ARSB: variants seen among roughly 807,000 people sequenced by gnomAD.
ARSB encodes the protein arylsulfatase B.
ARSB carries 41 observed loss-of-function variants against 50.9 expected under a neutral mutation model. The ratio of observed to expected loss-of-function variants is 0.81; its 90% CI spans 0.63 to 1.04. The LOEUF is 1.04. Ranked by LOEUF, ARSB falls within the 50% of genes least tolerant of loss-of-function variation. The pLI, the probability that ARSB is intolerant of heterozygous loss-of-function variation, is 0.00. For missense variants in ARSB, 672 were observed against 693.3 expected, an observed-to-expected ratio of 0.97 and a Z score of 0.35; for synonymous variants, 269 against 284.8, an observed-to-expected ratio of 0.94 and a Z score of 0.56.
At chr5:78,951,510 C>CA (rs1024208347) in intron 4 of ARSB, among the ~76,000 whole-genome samples, 3 of 150,662 alleles carry the variant, frequency 2.0e-5, no homozygotes, top group Non-Finnish European at 4.4e-5. Context: ...AGAAAAAGGA[C>CA]AAAAAAAATG....
intron 4 of ARSB, among the ~76,000 whole-genome samples, chr5:78,951,374 A>G (rs940669879): frequency 6.6e-6 from 1 of 152,112 alleles, no homozygotes. Flanking sequence ...TACTGATTGA[A>G]ACAGAGACAG....
intron 4 of ARSB, among the ~76,000 whole-genome samples, chr5:78,916,048 T>C (rs920340875): frequency 6.6e-5 from 10 of 152,224 alleles, no homozygotes; most frequent in African/African-American, 2.4e-4. Context: ...TTAAGATCAA[T>C]GATTCATTGT....
chr5:78,813,208 G>C (rs891564607), intron 6 of ARSB, among the ~76,000 whole-genome samples: 2 of 151,962 alleles, frequency 1.3e-5, no homozygotes, highest in Non-Finnish European at 2.9e-5. Context: ...GGGATTACAG[G>C]CATGTGCCAC....
chr5:78,810,401 G>A (rs757516979), intron 6 of ARSB, among the ~76,000 whole-genome samples: 2 of 152,228 alleles, frequency 1.3e-5, no homozygotes, highest in East Asian at 3.8e-4. Flanking sequence ...AGAAAATGCA[G>A]TTGGTGCCTG....
intron 4 of ARSB, among the ~76,000 whole-genome samples, chr5:78,899,798 G>A (rs1038671933): frequency 3.3e-5 from 5 of 151,986 alleles, no homozygotes; most frequent in Non-Finnish European, 5.9e-5. Flanking sequence ...GCTAATAGTC[G>A]CCATCTCGTT....
rs1329081955 is a variant in ARSB at position 78,779,538 on chromosome 5, T to A, written c.*859A>T. 1 of 152,214 alleles carries A rather than the reference T, an allele frequency of 6.6e-6. No individual in the cohort carries two copies. The allele number at this position is 152,214 out of a possible 1,614,324, so 9.4% of individuals were successfully genotyped here. On this transcript the variant is annotated 3_prime_UTR_variant, in exon 8 of 8. Transcript: ENST00000264914. ...GCCCTCTTAGTGTCTACCATGAACA[T>A]CCTCACAGAGCAACTCCACCGCCTA...
At chr5:78,954,488 A>G (rs749310249) in intron 4 of ARSB, among the ~76,000 whole-genome samples, 3 of 152,216 alleles carry the variant, frequency 2.0e-5, no homozygotes, top group Admixed American at 6.5e-5. Context: ...AATAACATAT[A>G]TAACTTTTAC....
chr5:78,875,699 G>A (rs563398351), intron 5 of ARSB, among the ~76,000 whole-genome samples: 153 of 150,612 alleles, frequency 1.0e-3, no homozygotes, highest in African/African-American at 3.5e-3. Flanking sequence ...ACAGAGTCTC[G>A]CTCTTTTACC....
intron 4 of ARSB, among the ~76,000 whole-genome samples, chr5:78,954,988 C>T (rs1043784823): frequency 2.0e-5 from 3 of 152,084 alleles, no homozygotes; most frequent in Non-Finnish European, 4.4e-5. Context: ...TGGGAACAAG[C>T]CACTCTAGGG....
intron 4 of ARSB, among the ~76,000 whole-genome samples, chr5:78,915,809 T>C (rs1749523927): frequency 6.6e-6 from 1 of 152,212 alleles, no homozygotes; most frequent in Non-Finnish European, 1.5e-5. Flanking sequence ...TTTTAAATAA[T>C]TTTGTGCATG....
chr5:78,838,944 A>G (rs1215714289), intron 6 of ARSB, among the ~76,000 whole-genome samples: 2 of 152,184 alleles, frequency 1.3e-5, no homozygotes, highest in African/African-American at 4.8e-5. Flanking sequence ...GGTTGCTCAC[A>G]CTACCTGGAA....
intron 5 of ARSB, among the ~76,000 whole-genome samples, chr5:78,844,029 T>G (rs1194676077): frequency 6.6e-6 from 1 of 152,236 alleles, no homozygotes; most frequent in Non-Finnish European, 1.5e-5. Context: ...GTACAATTTT[T>G]TGTGTGGGCA....
At chr5:78,929,242 G>A (rs1401415897) in intron 4 of ARSB, among the ~76,000 whole-genome samples, 1 of 152,150 alleles carries the variant, frequency 6.6e-6, no homozygotes, top group Non-Finnish European at 1.5e-5. Flanking sequence ...CTAGACTAGT[G>A]CCTGACATGT....
intron 6 of ARSB, among the ~76,000 whole-genome samples, chr5:78,791,123 C>T (rs1177747182): frequency 2.0e-5 from 3 of 152,196 alleles, no homozygotes; most frequent in Non-Finnish European, 4.4e-5. Flanking sequence ...GCCACCTTCA[C>T]TTAATGATGT....
intron 6 of ARSB, among the ~76,000 whole-genome samples, chr5:78,822,738 C>T (rs1356683443): frequency 3.3e-5 from 5 of 152,046 alleles, no homozygotes; most frequent in Admixed American, 1.3e-4. Context: ...TCCGGGTTCA[C>T]GCCATTCTCC....
chr5:78,897,993 T>A (rs1268658750), intron 4 of ARSB, among the ~76,000 whole-genome samples: 1 of 151,806 alleles, frequency 6.6e-6, no homozygotes, highest in African/African-American at 2.4e-5. Context: ...ACAGGCCGGG[T>A]GCGGTGGCTG....
chr5:78,984,688 AGCCACCC>A (rs1446513536), intron 1 of ARSB, among the ~76,000 whole-genome samples: 2 of 151,956 alleles, frequency 1.3e-5, no homozygotes, highest in African/African-American at 4.8e-5. Flanking sequence ...CGAAAGACAA[AGCCACCC>A]GCCCAACCCG....
intron 4 of ARSB, among the ~76,000 whole-genome samples, chr5:78,914,615 G>A (rs1022495644): frequency 6.6e-6 from 1 of 152,138 alleles, no homozygotes; most frequent in Non-Finnish European, 1.5e-5. Flanking sequence ...GAATGGAGCA[G>A]CCCAACAAAT....
At chr5:78,849,475 A>G (rs1745639363) in intron 5 of ARSB, among the ~76,000 whole-genome samples, 1 of 151,048 alleles carries the variant, frequency 6.6e-6, no homozygotes, top group Non-Finnish European at 1.5e-5. Context: ...GTAGCCTTGT[A>G]GTATAGTTTG....
Sources: gnomAD v4.1 joint callset for allele counts (sites outside exome capture counted in the v4.1 genomes callset) on GRCh38, gnomAD v4.1.1 for gene constraint, MANE v1.5 for transcripts, NCBI Gene and HGNC (gene_info 2026-07-23, HGNC 2026-07-21) for gene names.